Variants in SPSB1 observed in about 807,000 individuals in gnomAD.
SPSB1 encodes splA/ryanodine receptor domain and SOCS box containing 1.
SPSB1 carries 8 observed loss-of-function variants against 21.2 expected under a neutral mutation model. That is an observed-to-expected ratio of 0.38 (90% CI 0.22 to 0.68). The LOEUF (loss-of-function observed/expected upper bound fraction) is 0.68. Among genes scored for constraint, SPSB1 ranks in the 30% least tolerant of loss-of-function variants. SPSB1 has a pLI of 0.53. For synonymous variants in SPSB1, 169 were observed against 161.7 expected (o/e 1.05, Z -0.34); for missense variants, 242 against 377.8 (o/e 0.64, Z 2.98).
chr1:9,331,880 C>G (rs137982966), intron 1 of SPSB1, among the ~76,000 whole-genome samples: 1,971 of 152,296 alleles, frequency 0.013, 22 homozygotes, highest in Non-Finnish European at 0.021. Context: ...TCTTTTCCTA[C>G]AAGTTTACTT....
chr1:9,310,868 T>A (rs1011881463), intron 1 of SPSB1, among the ~76,000 whole-genome samples: 1 of 152,170 alleles, frequency 6.6e-6, no homozygotes, highest in Non-Finnish European at 1.5e-5. Flanking sequence ...CTTGGGGAAG[T>A]CATCCTAAGG....
Position 9,367,739 on chromosome 1 carries a change from C to A in SPSB1, c.*164C>A. ...CGTGGCTGCCTCCATGGGACAAGGA[C>A]CGATTCCAACACAGGCTCCTCTTTC... On this transcript the variant is annotated 3_prime_UTR_variant, in exon 3 of 3. Coordinates refer to ENST00000328089, the MANE Select transcript of SPSB1 (RefSeq NM_025106.4). The surrounding 1 kb of genome is among the most constrained non-coding windows in gnomAD (Gnocchi z 5.9). The A allele has an allele frequency of 9.4e-7, 1 of 1,059,410 alleles. No individual in the cohort carries two copies. Among genetic ancestry groups the A allele is most frequent in the Non-Finnish European group, 1.3e-6 (1 of 757,464 alleles). The allele number at this position is 1,059,410 out of a possible 1,614,324, so 65.6% of individuals were successfully genotyped here.
intron 1 of SPSB1, among the ~76,000 whole-genome samples, chr1:9,347,182 C>T (rs1640178130): frequency 6.6e-6 from 1 of 152,102 alleles, no homozygotes; most frequent in Non-Finnish European, 1.5e-5. Flanking sequence ...TTTTAAACGC[C>T]CTTCTACCAG....
At chr1:9,358,393 G>T (rs1640412040) in intron 2 of SPSB1, among the ~76,000 whole-genome samples, 1 of 152,172 alleles carries the variant, frequency 6.6e-6, no homozygotes, top group Non-Finnish European at 1.5e-5. Context: ...GACCAGGCCT[G>T]CAGCCAGCAG....
At chr1:9,358,630 G>A (rs1188650087) in intron 2 of SPSB1, among the ~76,000 whole-genome samples, 1 of 152,204 alleles carries the variant, frequency 6.6e-6, no homozygotes, top group Non-Finnish European at 1.5e-5. Flanking sequence ...GGGTGGTCAC[G>A]GAGCCAGGGA....
At chr1:9,351,608 A>G (rs473654) in intron 1 of SPSB1, 126,808 of 152,158 alleles carry the variant, frequency 0.83, 53,419 homozygotes, top group African/African-American at 0.95. Context: ...AGTTCCAGGG[A>G]AGGTGGCGAG....
At position 9,293,400 on chromosome 1, in the gene SPSB1, GCGGTCCCGAGGAGGGGCTGGGGCGCTC is replaced by G. The variant is rs1639153047; in HGVS notation, c.-150+333_-150+359del. Among the ~76,000 whole-genome samples, 1 of 151,502 alleles carries G rather than the reference GCGGTCCCGAGGAGGGGCTGGGGCGCTC, an allele frequency of 6.6e-6. No individual in the cohort carries two copies. The highest frequency in any genetic ancestry group is 2.4e-5 in the African/African-American group (1 of 41,356). ...GGCGCGGGGACCGTCGCAACGAGTTGCGGTCCCGAGGAGGGGCTGGGGCGCTCCGGGGCCGCCGACCCGTCCCCCCTT... is the reference window on the plus strand; with the variant it reads ...GGCGCGGGGACCGTCGCAACGAGTTGCGGGGCCGCCGACCCGTCCCCCCTT... On this transcript the variant is annotated intron_variant, in intron 1 of 2. Transcript: ENST00000328089. The surrounding 1 kb of genome is among the most constrained non-coding windows in gnomAD (Gnocchi z 5.1).
intron 1 of SPSB1, among the ~76,000 whole-genome samples, chr1:9,327,617 C>G (rs1639837889): frequency 6.6e-6 from 1 of 151,958 alleles, no homozygotes; most frequent in African/African-American, 2.4e-5. Context: ...ATGCAAGCAC[C>G]TGAGCCAGTA....
chr1:9,313,667 G>A (rs922636870), intron 1 of SPSB1, among the ~76,000 whole-genome samples: 3 of 152,190 alleles, frequency 2.0e-5, no homozygotes, highest in Non-Finnish European at 2.9e-5. Context: ...GGGTGCTCCC[G>A]GGGAGGGGTC....
chr1:9,355,227 C>T (rs1235137355), intron 1 of SPSB1, among the ~76,000 whole-genome samples: 2 of 152,212 alleles, frequency 1.3e-5, no homozygotes, highest in Non-Finnish European at 2.9e-5. Flanking sequence ...ATTGGTGGTG[C>T]GTCTGCTGGA....
Position 9,339,582 on chromosome 1 carries a change from A to G in SPSB1, c.-149-16161A>G, listed in dbSNP as rs554292149. ...CATCGTTATAACTCATGTGGTTCTT[A>G]AGGACTAGCAGGGCTGGTGTGGCCA... On this transcript the variant is annotated intron_variant, in intron 1 of 2. Transcript: ENST00000328089. 9.8e-5 allele frequency among the ~76,000 whole-genome samples: 15 copies of G among 152,304 alleles called. No homozygotes were observed. In the South Asian group the frequency reaches 2.3e-3, roughly 23 times the overall value.
chr1:9,341,439 G>C (rs1384099373), intron 1 of SPSB1, among the ~76,000 whole-genome samples: 1 of 152,248 alleles, frequency 6.6e-6, no homozygotes, highest in Non-Finnish European at 1.5e-5. Context: ...AGGGCAGCAA[G>C]TTCTGCCTGT....
chr1:9,328,545 CAG>C (rs1208133845), intron 1 of SPSB1, among the ~76,000 whole-genome samples: 1 of 152,224 alleles, frequency 6.6e-6, no homozygotes, highest in African/African-American at 2.4e-5. Flanking sequence ...GTTTTATAAA[CAG>C]GGACTCTAAG....
chr1:9,294,271 T>TGA (rs939011364), intron 1 of SPSB1, among the ~76,000 whole-genome samples: 9 of 151,488 alleles, frequency 5.9e-5, no homozygotes, highest in Non-Finnish European at 8.9e-5. Context: ...CGTGTCTCTG[T>TGA]GTCTGTCTCT....
chr1:9,337,865 G>A (rs1164958873), intron 1 of SPSB1, among the ~76,000 whole-genome samples: 1 of 152,204 alleles, frequency 6.6e-6, no homozygotes, highest in Admixed American at 6.5e-5. Flanking sequence ...ATCAGCATGG[G>A]GAAAAACAGA....
intron 1 of SPSB1, among the ~76,000 whole-genome samples, chr1:9,332,843 A>G (rs1333928709): frequency 6.6e-6 from 1 of 152,214 alleles, no homozygotes; most frequent in Non-Finnish European, 1.5e-5. Flanking sequence ...TTTTCCCTGC[A>G]GGGTCTAGGC....
intron 2 of SPSB1, among the ~76,000 whole-genome samples, chr1:9,359,702 T>TG (rs1052512837): frequency 9.6e-4 from 83 of 86,698 alleles, no homozygotes; most frequent in African/African-American, 2.9e-3. Flanking sequence ...ACTCCGTCTC[T>TG]GGGAAAAAAA....
At chr1:9,328,719 G>A (rs2100490375) in intron 1 of SPSB1, among the ~76,000 whole-genome samples, 1 of 152,216 alleles carries the variant, frequency 6.6e-6, no homozygotes, top group East Asian at 1.9e-4. Flanking sequence ...CTGGGCACGT[G>A]AAGATGGTTT....
intron 1 of SPSB1, among the ~76,000 whole-genome samples, chr1:9,347,403 A>G (rs1431624458): frequency 6.7e-6 from 1 of 149,296 alleles, no homozygotes; most frequent in African/African-American, 2.5e-5. Flanking sequence ...TTTTAGTTTG[A>G]AAAGGAATAC....
Sources: allele counts gnomAD v4.1 joint callset (sites outside exome capture counted in the v4.1 genomes callset), GRCh38; gene constraint gnomAD v4.1.1; non-coding constraint Gnocchi (gnomAD v3.1); transcripts MANE v1.5; gene names NCBI Gene and HGNC (gene_info 2026-07-23, HGNC 2026-07-21).